Variants in TMED8 observed in about 807,000 individuals in gnomAD.
The protein encoded by TMED8 is protein TMED8.
In TMED8, 15 loss-of-function variants were observed where a neutral mutation model predicts 32.7. The observed-to-expected ratio is 0.46, with a 90% CI of 0.31 to 0.71. TMED8 has a LOEUF of 0.71. Ranked by LOEUF, TMED8 falls within the 30% of genes least tolerant of loss-of-function variation. The probability of loss-of-function intolerance (pLI) is 0.06; values close to 1 mark genes in which losing one functional copy is unlikely to be tolerated. For synonymous variants in TMED8, 147 were observed against 161.4 expected (o/e 0.91, Z 0.68); for missense variants, 390 against 423.9 (o/e 0.92, Z 0.70).
At chr14:77,374,914 T>C (rs1003621146) in intron 1 of TMED8, among the ~76,000 whole-genome samples, 3 of 152,200 alleles carry the variant, frequency 2.0e-5, no homozygotes, top group Admixed American at 2.0e-4. Flanking sequence ...CAATACTTGA[T>C]TCATGGCCAA....
chr14:77,351,357 G>A (rs575078559), intron 2 of TMED8, among the ~76,000 whole-genome samples: 81 of 149,844 alleles, frequency 5.4e-4, no homozygotes, highest in Non-Finnish European at 9.8e-4. Context: ...GTGGTGGTGC[G>A]CGCCTGTAGT....
Position 77,351,751 on chromosome 14 carries a change from T to C in TMED8, c.119A>G (p.Glu40Gly). Reference sequence around the variant, plus strand: ...ATCCTTGTTTTCTAGATCTTCATTCTCTAGAAAACCATAGAAAGAAAGAAT... The same window carrying C: ...ATCCTTGTTTTCTAGATCTTCATTCCCTAGAAAACCATAGAAAGAAAGAAT... The part of the protein sequence containing the change: ...GVEGSQAAAS[E>G]NEDLENKDTS... Residue 40 changes from glutamate (E) to glycine (G), a missense_variant and splice_region_variant, in exon 2 of 6, where the codon GAG (glutamate) becomes GGG (glycine). By Grantham distance (98) the Glu-to-Gly change is moderately conservative. Coordinates refer to ENST00000216468, the MANE Select transcript of TMED8 (RefSeq NM_213601.3). 1 of 1,610,518 alleles carries C rather than the reference T, an allele frequency of 6.2e-7. No individual in the cohort carries two copies. Among genetic ancestry groups the C allele is most frequent in the Middle Eastern group, 1.7e-4 (1 of 6,046 alleles).
intron 1 of TMED8, among the ~76,000 whole-genome samples, chr14:77,358,576 C>T (rs1010556240): frequency 3.3e-5 from 5 of 152,160 alleles, no homozygotes; most frequent in African/African-American, 4.8e-5. Context: ...GGATTACAGG[C>T]GTGAGCCACC....
Position 77,351,746 on chromosome 14 carries a change from C to G in TMED8, c.124G>C (p.Glu42Gln). Residue 42 changes from glutamate (E) to glutamine (Q), a missense_variant, in exon 2 of 6, where the codon GAA (glutamate) becomes CAA (glutamine). By Grantham distance (29) the Glu-to-Gln change is conservative (BLOSUM62 2). Transcript: ENST00000216468. ...GAGGTATCCTTGTTTTCTAGATCTT[C>G]ATTCTCTAGAAAACCATAGAAAGAA... The part of the protein sequence containing the change: ...EGSQAAASEN[E>Q]DLENKDTSLL... The G allele has an allele frequency of 6.2e-7, 1 of 1,611,632 alleles. No homozygotes were observed. The highest frequency in any genetic ancestry group is 8.5e-7 in the Non-Finnish European group (1 of 1,178,334).
rs867590039 is a variant in TMED8 at position 77,343,357 on chromosome 14, C to A, written c.581G>T (p.Arg194Leu). 1 of 1,614,116 alleles carries A rather than the reference C, an allele frequency of 6.2e-7. No homozygotes were observed. Among genetic ancestry groups the A allele is most frequent in the Non-Finnish European group, 8.5e-7 (1 of 1,180,030 alleles). The change falls in exon 5 of 6, where the codon CGG becomes CTG. Residue 194 changes from arginine to leucine, a missense_variant. Transcript: ENST00000216468. ...VVKRGEVVTI[R>L]VPTHPEGKRV... The stretch of plus-strand genomic sequence containing the variant: ...CTTCCCCTCTGGATGAGTAGGTACC[C>A]GGATGGTCACCACCTCACCACGCTT...
In TMED8 at chr14:77,358,896, T is replaced by TTTTG. The variant is rs371643806; in HGVS notation, c.119-7149_119-7146dup. On this transcript the variant is annotated intron_variant, in intron 1 of 5. Transcript: ENST00000216468. Reference sequence around the variant, plus strand: ...TACACATTCTTCTTCTGCAACTTTTTTTTGTTTGTTTGTTTGTTTGTTTGT... The same window carrying TTTTG: ...TACACATTCTTCTTCTGCAACTTTTTTTTGTTTGTTTGTTTGTTTGTTTGTTTGT... Among the ~76,000 whole-genome samples the TTTTG allele has an allele frequency of 1.9e-3, 289 of 152,184 alleles. 2 individuals carry two copies. The highest frequency in any genetic ancestry group is 2.5e-3 in the South Asian group (12 of 4,816).
chr14:77,356,797 T>C (rs1164046361), intron 1 of TMED8, among the ~76,000 whole-genome samples: 1 of 152,214 alleles, frequency 6.6e-6, no homozygotes, highest in Non-Finnish European at 1.5e-5. Flanking sequence ...TATAATCTCT[T>C]AATCTACATC....
intron 5 of TMED8, 36 bp from the exon 6 acceptor site, chr14:77,342,024 C>A (rs1566683208): frequency 6.3e-7 from 1 of 1,595,704 alleles, no homozygotes; most frequent in Non-Finnish European, 8.6e-7. Flanking sequence ...TCAGAGACTG[C>A]GTAAGTCCTG....
At chr14:77,356,963 T>C (rs985872816) in intron 1 of TMED8, among the ~76,000 whole-genome samples, 3 of 152,222 alleles carry the variant, frequency 2.0e-5, no homozygotes, top group African/African-American at 7.2e-5. Flanking sequence ...AAACCGGTCA[T>C]AGATGTAGAG....
intron 5 of TMED8, 41 bp from the exon 6 acceptor site, chr14:77,342,029 G>C (rs769251098): frequency 1.3e-6 from 2 of 1,588,890 alleles, no homozygotes; most frequent in Admixed American, 3.4e-5. Flanking sequence ...GACTGCGTAA[G>C]TCCTGCCTGA....
rs913244972 is a variant in TMED8 at position 77,377,024 on chromosome 14, C to G, written c.30G>C (p.Pro10=). Residue 10 remains proline (P), a synonymous_variant, in exon 1 of 6, where the codon CCG becomes CCC. Transcript: ENST00000216468. ...GGCGGGCTGTGGGGCTCCAGGAGCC[C>G]GGCCCCTCAGCCGCCTGCAGGTCAG... is the stretch of plus-strand genomic sequence containing the variant. The part of the protein sequence containing the change: MSDLQAAEG[P]GSWSPTARPG... The G allele has an allele frequency of 2.2e-6, 3 of 1,394,178 alleles. No individual in the cohort carries two copies. The African/African-American group carries it at 4.6e-5, about 21-fold the overall frequency. 86.4% of individuals were successfully genotyped at this position (1,394,178 alleles called of 1,614,324 possible). A position where few individuals can be genotyped will look rare whatever the true frequency, so the allele number is the denominator to read the frequency against.
intron 1 of TMED8, among the ~76,000 whole-genome samples, chr14:77,370,767 A>G (rs141313710): frequency 0.012 from 1,451 of 123,232 alleles, 13 homozygotes; most frequent in African/African-American, 0.037. Flanking sequence ...GTGTGTGTGT[A>G]TACTTTTTCA....
rs184250035 is a variant in TMED8 at position 77,337,004 on chromosome 14, C to G, written c.*4767G>C. 6 of 152,264 alleles carry G rather than the reference C, an allele frequency of 3.9e-5. No homozygotes were observed. The East Asian group carries it at 1.2e-3, about 29-fold the overall frequency. The allele number at this position is 152,264 out of a possible 1,614,324, so 9.4% of individuals were successfully genotyped here. On this transcript the variant is annotated 3_prime_UTR_variant, in exon 6 of 6. Coordinates refer to ENST00000216468, the MANE Select transcript of TMED8 (RefSeq NM_213601.3). The stretch of plus-strand genomic sequence containing the variant: ...CTACTGCTTAATATAAGACAGCGTT[C>G]AGATTTCACTCTTCCATATACATAT...
rs1029312638 is a variant in TMED8 at position 77,335,702 on chromosome 14, A to T, written c.*6069T>A. On this transcript the variant is annotated 3_prime_UTR_variant, in exon 6 of 6. Coordinates refer to ENST00000216468, the MANE Select transcript of TMED8 (RefSeq NM_213601.3). ...ATTACAAAACAGCTCTCTTCTGGGA[A>T]TTTCAAAACACTTCCCGTTACGTTA... 6.6e-6 allele frequency: 1 copy of T among 152,156 alleles called. No individual in the cohort carries two copies. The highest frequency in any genetic ancestry group is 2.4e-5 in the African/African-American group (1 of 41,450). 9.4% of individuals were successfully genotyped at this position (152,156 alleles called of 1,614,324 possible). A position where few individuals can be genotyped will look rare whatever the true frequency, so the allele number is the denominator to read the frequency against.
At chr14:77,349,400 G>A (rs2139611493) in intron 2 of TMED8, among the ~76,000 whole-genome samples, 1 of 152,130 alleles carries the variant, frequency 6.6e-6, no homozygotes, top group East Asian at 1.9e-4. Context: ...TTACAGGCGT[G>A]AGCCACCTCG....
At position 77,341,065 on chromosome 14, in the gene TMED8, T is replaced by C. The variant is rs537925759; in HGVS notation, c.*706A>G. 1 of 152,246 alleles carries C rather than the reference T, an allele frequency of 6.6e-6. No homozygotes were observed. Among genetic ancestry groups the C allele is most frequent in the Admixed American group, 6.5e-5 (1 of 15,280 alleles). 9.4% of individuals were successfully genotyped at this position (152,246 alleles called of 1,614,324 possible). A position where few individuals can be genotyped will look rare whatever the true frequency, so the allele number is the denominator to read the frequency against. On this transcript the variant is annotated 3_prime_UTR_variant, in exon 6 of 6. Coordinates refer to ENST00000216468, the MANE Select transcript of TMED8 (RefSeq NM_213601.3). ...AACCAGCTCTTGGAATAGGAAATAA[T>C]GGGGGCAGTTTTTCTTCCCACAAGA...
chr14:77,343,496 G>A lies in TMED8; in HGVS notation c.455-13C>T. 2 of 1,612,716 alleles carry A rather than the reference G, an allele frequency of 1.2e-6. No homozygotes were observed. The highest frequency in any genetic ancestry group is 1.7e-6 in the Non-Finnish European group (2 of 1,179,442). On this transcript the variant is annotated splice_polypyrimidine_tract_variant and intron_variant, in intron 4 of 5. Coordinates refer to ENST00000216468, the MANE Select transcript of TMED8 (RefSeq NM_213601.3). ...AGAGGTGGGGAGACTGAAAGGACAA[G>A]CAGCTTAGCACTGAGAAACCATGAG... is the stretch of plus-strand genomic sequence containing the variant.
At chr14:77,345,682 A>T (rs1381200450) in intron 3 of TMED8, among the ~76,000 whole-genome samples, 1 of 145,236 alleles carries the variant, frequency 6.9e-6, no homozygotes, top group African/African-American at 2.6e-5. Context: ...AAAAAAAAAA[A>T]ATCAAGGCCA....
chr14:77,346,465 A>G lies in TMED8; in HGVS notation c.211T>C (p.Ser71Pro), dbSNP rs1260594133. 1.2e-6 allele frequency: 2 copies of G among 1,614,136 alleles called. No homozygotes were observed. The highest frequency in any genetic ancestry group is 3.3e-5 in the Admixed American group (2 of 60,008). The change falls in exon 3 of 6, where the codon TCT becomes CCT. Residue 71 changes from serine to proline, a missense_variant. Transcript: ENST00000216468. ...TCCGTGGCATCCTTACTCACTGGAGATACCATCTGTGGCCTCTCAGAGGAA... is the reference window on the plus strand; with the variant it reads ...TCCGTGGCATCCTTACTCACTGGAGGTACCATCTGTGGCCTCTCAGAGGAA... ...CSSPHRPQMV[S>P]PVSKDATEDL...
Sources: gnomAD v4.1 joint callset for allele counts (sites outside exome capture counted in the v4.1 genomes callset) on GRCh38, gnomAD v4.1.1 for gene constraint, MANE v1.5 for transcripts, NCBI Gene and HGNC (gene_info 2026-07-23, HGNC 2026-07-21) for gene names.